C12orf75: variants seen among roughly 807,000 people sequenced by gnomAD.
The protein encoded by C12orf75 is overexpressed in colon carcinoma 1 protein.
A neutral mutation model predicts 11.4 loss-of-function variants in C12orf75; 4 were observed. That is an observed-to-expected ratio of 0.35 (90% CI 0.17 to 0.80). The LOEUF is 0.80. Among genes scored for constraint, C12orf75 ranks in the 30% least tolerant of loss-of-function variants. The probability of loss-of-function intolerance (pLI) is 0.52; values close to 1 mark genes in which losing one functional copy is unlikely to be tolerated. For synonymous variants in C12orf75, 30 were observed against 30.0 expected (o/e 1.00, Z 0.00); for missense variants, 89 against 80.4 (o/e 1.11, Z -0.41).
chr12:105,364,640 G>A (rs553371387), intron 2 of C12orf75, among the ~76,000 whole-genome samples: 44 of 152,250 alleles, frequency 2.9e-4, no homozygotes, highest in African/African-American at 1.1e-3. Context: ...ATGACATTTA[G>A]ATGTTTGCAG....
intron 1 of C12orf75, among the ~76,000 whole-genome samples, chr12:105,345,659 CT>C (rs771376717): frequency 1.5e-3 from 112 of 73,496 alleles, no homozygotes; most frequent in African/African-American, 3.5e-3. Flanking sequence ...AGTGTCTGGC[CT>C]TTTTTTTTTT....
intron 1 of C12orf75, among the ~76,000 whole-genome samples, chr12:105,338,348 A>G (rs1266853768): frequency 3.3e-5 from 5 of 151,824 alleles, no homozygotes; most frequent in African/African-American, 1.2e-4. Context: ...CTAATTTTGT[A>G]TTTTTAGTGG....
In C12orf75 at chr12:105,370,792, G is replaced by A. The variant is rs1050273734; in HGVS notation, c.*192G>A. Reference sequence around the variant, plus strand: ...GGTACATATTGTTGTGGTAATAGAAGGGAATTGGTTAAACAGTACACTTGT... The same window carrying A: ...GGTACATATTGTTGTGGTAATAGAAAGGAATTGGTTAAACAGTACACTTGT... On this transcript the variant is annotated 3_prime_UTR_variant, in exon 6 of 6. Coordinates refer to ENST00000443585, the MANE Select transcript of C12orf75 (RefSeq NM_001145199.2). 8.9e-6 allele frequency: 4 copies of A among 451,744 alleles called. No homozygotes were observed. Among genetic ancestry groups the A allele is most frequent in the African/African-American group, 8.0e-5 (4 of 49,922 alleles). 28.0% of individuals were successfully genotyped at this position (451,744 alleles called of 1,614,324 possible).
At chr12:105,346,924 T>A (rs1368800414) in intron 1 of C12orf75, among the ~76,000 whole-genome samples, 1 of 152,364 alleles carries the variant, frequency 6.6e-6, no homozygotes, top group East Asian at 1.9e-4. Flanking sequence ...TGACGTCTAA[T>A]AATAACTTAG....
intron 3 of C12orf75, 78 bp from the exon 4 acceptor site, chr12:105,366,539 T>G (rs1455713461): frequency 3.2e-6 from 2 of 622,580 alleles, no homozygotes; most frequent in Non-Finnish European, 5.6e-6. Context: ...TATATAATTG[T>G]TTGGAGTACT....
chr12:105,334,706 C>T (rs1358462557), intron 1 of C12orf75, among the ~76,000 whole-genome samples: 1 of 152,234 alleles, frequency 6.6e-6, no homozygotes, highest in Non-Finnish European at 1.5e-5. Flanking sequence ...CGCTCACTCT[C>T]ACTCTTTCTC....
chr12:105,345,659 CTTTTTT>C (rs771376717), intron 1 of C12orf75, among the ~76,000 whole-genome samples: 13 of 73,520 alleles, frequency 1.8e-4, no homozygotes, highest in Non-Finnish European at 2.8e-4. Context: ...AGTGTCTGGC[CTTTTTT>C]TTTTTTTTTT....
At chr12:105,335,385 T>C (rs1464474277) in intron 1 of C12orf75, among the ~76,000 whole-genome samples, 1 of 152,234 alleles carries the variant, frequency 6.6e-6, no homozygotes, top group African/African-American at 2.4e-5. Flanking sequence ...GCAAGATTTG[T>C]GGGGGAAATA....
At chr12:105,360,867 C>A (rs995036389) in intron 2 of C12orf75, among the ~76,000 whole-genome samples, 11 of 152,032 alleles carry the variant, frequency 7.2e-5, no homozygotes, top group African/African-American at 2.4e-4. Context: ...CCTCCGCCTC[C>A]CAGGTTCAAG....
chr12:105,364,610 T>A (rs748082891), intron 2 of C12orf75, among the ~76,000 whole-genome samples: 2 of 152,194 alleles, frequency 1.3e-5, no homozygotes, highest in Non-Finnish European at 2.9e-5. Context: ...AGTTAGACAA[T>A]CTCTGAATCA....
intron 2 of C12orf75, among the ~76,000 whole-genome samples, chr12:105,359,556 G>T (rs1025454977): frequency 9.2e-5 from 14 of 151,862 alleles, no homozygotes; most frequent in Non-Finnish European, 2.1e-4. Flanking sequence ...GGATCACTTG[G>T]GGTCAGGAGT....
chr12:105,342,428 A>G (rs1892587223), intron 1 of C12orf75, among the ~76,000 whole-genome samples: 1 of 152,220 alleles, frequency 6.6e-6, no homozygotes, highest in Non-Finnish European at 1.5e-5. Flanking sequence ...CCCTCACCAG[A>G]TGTGAGCCCC....
At chr12:105,357,778 C>CTGTGTGTGTGTGTGTGTGTGTGTG (rs67643973) in intron 2 of C12orf75, among the ~76,000 whole-genome samples, 46 of 137,334 alleles carry the variant, frequency 3.3e-4, no homozygotes, top group Admixed American at 7.2e-4. Flanking sequence ...AATGTATTTT[C>CTGTGTGTGTGTGTGTGTGTGTGTG]TGTGTGTGTG....
At chr12:105,331,033 C>T (rs952039845) in intron 1 of C12orf75, 96 bp downstream of exon 1, 3 of 774,418 alleles carry the variant, frequency 3.9e-6, no homozygotes, top group Admixed American at 4.4e-5. Flanking sequence ...GCGCAGCCCC[C>T]TCTCCCCGTC....
intron 1 of C12orf75, among the ~76,000 whole-genome samples, chr12:105,340,740 GT>G (rs1446992876): frequency 2.0e-5 from 3 of 152,136 alleles, no homozygotes; most frequent in African/African-American, 7.2e-5. Context: ...AAAGTTAAGG[GT>G]TTTGAGATGC....
At chr12:105,335,379 G>T (rs1165683063) in intron 1 of C12orf75, among the ~76,000 whole-genome samples, 1 of 152,204 alleles carries the variant, frequency 6.6e-6, no homozygotes, top group Admixed American at 6.5e-5. Flanking sequence ...AATAGTGCAA[G>T]ATTTGTGGGG....
intron 5 of C12orf75, 120 bp downstream of exon 5, chr12:105,367,629 G>A: frequency 3.1e-6 from 1 of 318,952 alleles, no homozygotes; most frequent in South Asian, 9.5e-5. Flanking sequence ...TTAAAGGAGG[G>A]GTTTCATCCT....
chr12:105,338,587 C>T lies in C12orf75; in HGVS notation c.46+7650C>T, dbSNP rs944008058. On this transcript the variant is annotated intron_variant, in intron 1 of 5. Coordinates refer to ENST00000443585, the MANE Select transcript of C12orf75 (RefSeq NM_001145199.2). ...TGATAAAGAATAGAGGTGTATTTGGCTCGTGGTTCTGCAGCCTGTACAAGA... is the reference window on the plus strand; with the variant it reads ...TGATAAAGAATAGAGGTGTATTTGGTTCGTGGTTCTGCAGCCTGTACAAGA... 3.3e-5 allele frequency among the ~76,000 whole-genome samples: 5 copies of T among 152,298 alleles called. 1 individual carries two copies. In the East Asian group the frequency reaches 9.6e-4, roughly 29 times the overall value.
At chr12:105,353,728 CAG>C (rs1892742893) in intron 2 of C12orf75, 1 of 152,012 alleles carries the variant, frequency 6.6e-6, no homozygotes, top group South Asian at 2.1e-4. Context: ...AAATAAGAAA[CAG>C]TATTAAATAA....
Sources: gnomAD v4.1 joint callset for allele counts (sites outside exome capture counted in the v4.1 genomes callset) on GRCh38, gnomAD v4.1.1 for gene constraint, MANE v1.5 for transcripts, NCBI Gene and HGNC (gene_info 2026-07-23, HGNC 2026-07-21) for gene names.